The following ATF3 variants were observed in gnomAD, a reference collection of about 807,000 sequenced individuals.
The protein encoded by ATF3 is cyclic AMP-dependent transcription factor ATF-3.
A neutral mutation model predicts 18.4 loss-of-function variants in ATF3; 10 were observed. The observed-to-expected ratio is 0.54, with a 90% CI of 0.34 to 0.92. ATF3 has a LOEUF of 0.92. Among genes scored for constraint, ATF3 ranks in the 40% least tolerant of loss-of-function variants. The pLI is 0.02. For missense variants in ATF3, 183 were observed against 222.3 expected (o/e 0.82, Z 1.12); for synonymous variants, 78 against 87.9 (o/e 0.89, Z 0.63).
intron 1 of ATF3, among the ~76,000 whole-genome samples, chr1:212,592,848 G>A (rs12048272): frequency 0.21 from 31,299 of 151,966 alleles, 3,292 homozygotes; most frequent in South Asian, 0.26. Context: ...TGATAACATG[G>A]CATTTAAAGA....
At chr1:212,596,179 C>T (rs190063940) in intron 1 of ATF3, among the ~76,000 whole-genome samples, 2 of 152,266 alleles carry the variant, frequency 1.3e-5, no homozygotes, top group Admixed American at 6.5e-5. Context: ...ATTTTTTAAA[C>T]CTCCATGATT....
chr1:212,593,362 G>A (rs1468640632), intron 1 of ATF3, among the ~76,000 whole-genome samples: 2 of 151,662 alleles, frequency 1.3e-5, no homozygotes, highest in East Asian at 3.9e-4. Context: ...AATGGGTGCA[G>A]CACATCAACA....
At chr1:212,596,248 A>T (rs1664991726) in intron 1 of ATF3, among the ~76,000 whole-genome samples, 1 of 152,230 alleles carries the variant, frequency 6.6e-6, no homozygotes, top group Non-Finnish European at 1.5e-5. Context: ...CTGCACACTA[A>T]GGCTAACTTT....
At chr1:212,570,055 A>G (rs1664452454) in intron 1 of ATF3, among the ~76,000 whole-genome samples, 3 of 152,318 alleles carry the variant, frequency 2.0e-5, no homozygotes, top group South Asian at 4.1e-4. Context: ...TTGCCTGTAC[A>G]TCTGTTGGAA....
At chr1:212,573,122 C>T (rs531333381) in intron 1 of ATF3, among the ~76,000 whole-genome samples, 16 of 151,890 alleles carry the variant, frequency 1.1e-4, no homozygotes, top group Admixed American at 2.0e-4. Flanking sequence ...TTATAAGTGC[C>T]CTATTTCATT....
upstream of ATF3, among the ~76,000 whole-genome samples, chr1:212,606,210 G>T (rs1206622853): frequency 1.3e-5 from 2 of 152,190 alleles, no homozygotes; most frequent in Non-Finnish European, 2.9e-5. Flanking sequence ...GGGGGCTGAG[G>T]GGAGGGAGGC....
chr1:212,587,715 G>A (rs12739624), intron 1 of ATF3, among the ~76,000 whole-genome samples: 23,079 of 152,148 alleles, frequency 0.15, 2,017 homozygotes, highest in Admixed American at 0.24. Context: ...AGCATTAACC[G>A]TTCATTCACT....
At chr1:212,573,043 A>G (rs1057010145) in intron 1 of ATF3, among the ~76,000 whole-genome samples, 2 of 152,134 alleles carry the variant, frequency 1.3e-5, no homozygotes, top group East Asian at 3.8e-4. Flanking sequence ...ATTTCCGGGA[A>G]TGTAATTATA....
chr1:212,589,977 A>G (rs760213339), intron 1 of ATF3, among the ~76,000 whole-genome samples: 18 of 152,192 alleles, frequency 1.2e-4, no homozygotes, highest in Non-Finnish European at 1.9e-4. Flanking sequence ...TGAGTAAACT[A>G]TAACTGTTAA....
chr1:212,600,019 A>G (rs1385017836), intron 1 of ATF3, among the ~76,000 whole-genome samples: 1 of 152,358 alleles, frequency 6.6e-6, no homozygotes, highest in Non-Finnish European at 1.5e-5. Flanking sequence ...GATCCAGGGG[A>G]AAAAGGCTAT....
intron 1 of ATF3, among the ~76,000 whole-genome samples, chr1:212,584,604 G>C (rs568730193): frequency 2.6e-5 from 4 of 152,162 alleles, no homozygotes; most frequent in Non-Finnish European, 5.9e-5. Flanking sequence ...GGGGGAGGAC[G>C]ATCTGCTTCC....
At chr1:212,569,589 G>A (rs564587141) in intron 1 of ATF3, among the ~76,000 whole-genome samples, 1 of 152,040 alleles carries the variant, frequency 6.6e-6, no homozygotes, top group East Asian at 1.9e-4. Flanking sequence ...AATAGAACCA[G>A]TAAATTTTTT....
chr1:212,591,383 G>A (rs542229060), intron 1 of ATF3, among the ~76,000 whole-genome samples: 1 of 152,330 alleles, frequency 6.6e-6, no homozygotes, highest in East Asian at 1.9e-4. Context: ...CTTGGCTTAT[G>A]TCTGTGGGAA....
intron 1 of ATF3, among the ~76,000 whole-genome samples, chr1:212,584,842 TCCCGGG>T (rs1262392743): frequency 2.0e-5 from 3 of 152,188 alleles, no homozygotes; most frequent in Non-Finnish European, 4.4e-5. Flanking sequence ...CAAGTACGGC[TCCCGGG>T]CCACCTGGAT....
chr1:212,617,117 G>A (rs1655161217), intron 2 of ATF3, among the ~76,000 whole-genome samples: 1 of 152,190 alleles, frequency 6.6e-6, no homozygotes, highest in Admixed American at 6.5e-5. Context: ...TTCTGAAGAA[G>A]CTTGGAGCGT....
rs188145713 is a variant in ATF3, at chr1:212,575,813, T to C, written c.-5+10330T>C. ...AAGGAAAAAGGCCTTTCTTTTTAATTTGTTAATTTAATAAGTTTTCAAATC... is the reference window on the plus strand; with the variant it reads ...AAGGAAAAAGGCCTTTCTTTTTAATCTGTTAATTTAATAAGTTTTCAAATC... On this transcript the variant is annotated intron_variant, in intron 1 of 3. Transcript: ENST00000366981. Among the ~76,000 whole-genome samples, 1,420 of 152,264 alleles carry C rather than the reference T, an allele frequency of 9.3e-3. 20 individuals are homozygous for C. The highest frequency in any genetic ancestry group is 0.014 in the Middle Eastern group (4 of 294).
At chr1:212,599,354 G>C (rs1654411780) in intron 1 of ATF3, among the ~76,000 whole-genome samples, 1 of 152,166 alleles carries the variant, frequency 6.6e-6, no homozygotes, top group South Asian at 2.1e-4. Flanking sequence ...GTTCTTGAGG[G>C]ACCATTTCTG....
At chr1:212,604,233 C>T (rs1233566379), upstream of ATF3, among the ~76,000 whole-genome samples, 1 of 152,192 alleles carries the variant, frequency 6.6e-6, no homozygotes, top group Non-Finnish European at 1.5e-5. Flanking sequence ...CTTGTATACT[C>T]ACTCAGTTGA....
chr1:212,576,469 T>G (rs776742347), intron 1 of ATF3, among the ~76,000 whole-genome samples: 11 of 151,760 alleles, frequency 7.2e-5, no homozygotes, highest in Non-Finnish European at 1.6e-4. Flanking sequence ...TAGTTTAGAT[T>G]TCTCTATTGT....
Sources: gnomAD v4.1 joint callset for allele counts (sites outside exome capture counted in the v4.1 genomes callset) on GRCh38, gnomAD v4.1.1 for gene constraint, MANE v1.5 for transcripts, NCBI Gene and HGNC (gene_info 2026-07-23, HGNC 2026-07-21) for gene names.